TXNL4A: variants seen among roughly 807,000 people sequenced by gnomAD.
TXNL4A encodes the protein thioredoxin-like protein 4A.
In TXNL4A, 17 loss-of-function variants were observed where a neutral mutation model predicts 14.6. That is an observed-to-expected ratio of 1.16 (90% confidence interval 0.80 to 1.74). The LOEUF (loss-of-function observed/expected upper bound fraction) is 1.74. TXNL4A is among the 40% of genes most tolerant of loss of function. TXNL4A has a pLI of 0.00. For synonymous variants in TXNL4A, 83 were observed against 70.6 expected, an observed-to-expected ratio of 1.18 and a Z score of -0.88; for missense variants, 74 against 195.2, an observed-to-expected ratio of 0.38 and a Z score of 3.70.
chr18:79,988,618 C>G (rs905643057), upstream of TXNL4A: 4 of 382,094 alleles, frequency 1.0e-5, no homozygotes, highest in Non-Finnish European at 1.3e-5. Context: ...GCGCTAGCGC[C>G]GTGCGTGCTG....
In TXNL4A at chr18:79,971,536, C is replaced by G; in HGVS notation, c.*2149G>C. 1 of 152,220 alleles carries G rather than the reference C, an allele frequency of 6.6e-6. No homozygotes were observed. The highest frequency in any genetic ancestry group is 1.9e-4 in the East Asian group (1 of 5,182). 9.4% of individuals were successfully genotyped at this position (152,220 alleles called of 1,614,324 possible). Reference sequence around the variant, plus strand: ...GTAGAGACAGGGTCTCACCAGGTTGCCCAGGCTGGTCGTGAACTCCTGGGC... The same window carrying G: ...GTAGAGACAGGGTCTCACCAGGTTGGCCAGGCTGGTCGTGAACTCCTGGGC... On this transcript the variant is annotated 3_prime_UTR_variant, in exon 3 of 3. Transcript: ENST00000269601.
At chr18:80,006,161 G>A (rs558289864) in intron 1 of TXNL4A, among the ~76,000 whole-genome samples, 51 of 151,916 alleles carry the variant, frequency 3.4e-4, no homozygotes, top group Admixed American at 2.7e-3. Context: ...TAAGGCGGGC[G>A]GATCACGAGG....
upstream of TXNL4A, among the ~76,000 whole-genome samples, chr18:79,990,730 G>A (rs867429263): frequency 6.6e-6 from 1 of 152,126 alleles, no homozygotes; most frequent in Admixed American, 6.5e-5. Flanking sequence ...AAGATTTATC[G>A]CCTTAATTTT....
intron 1 of TXNL4A, among the ~76,000 whole-genome samples, chr18:80,026,108 G>A (rs566506165): frequency 1.1e-4 from 16 of 152,214 alleles, no homozygotes; most frequent in African/African-American, 3.1e-4. Flanking sequence ...TTTATTAAAC[G>A]GACTAGATGA....
chr18:79,987,957 A>G (rs1338638023), intron 1 of TXNL4A, among the ~76,000 whole-genome samples: 2 of 152,272 alleles, frequency 1.3e-5, no homozygotes, highest in African/African-American at 2.4e-5. Context: ...TAAGTTTGGG[A>G]AAAACGCCTT....
chr18:79,987,656 A>C (rs549863478), intron 1 of TXNL4A, among the ~76,000 whole-genome samples: 1 of 152,382 alleles, frequency 6.6e-6, no homozygotes, highest in Non-Finnish European at 1.5e-5. Context: ...AAGACCACTC[A>C]GTGTACTAAT....
chr18:79,981,327 A>G (rs1412745996), intron 1 of TXNL4A, among the ~76,000 whole-genome samples: 1 of 152,240 alleles, frequency 6.6e-6, no homozygotes, highest in Non-Finnish European at 1.5e-5. Flanking sequence ...CGTAAAAAAT[A>G]GTAAATATTA....
chr18:79,997,414 G>A (rs1027625499), intron 1 of TXNL4A, among the ~76,000 whole-genome samples: 1 of 141,266 alleles, frequency 7.1e-6, no homozygotes, highest in Non-Finnish European at 1.5e-5. Context: ...ACAAGCAGGA[G>A]GGGACGGAGA....
chr18:79,987,129 T>C (rs1236284180), intron 1 of TXNL4A, among the ~76,000 whole-genome samples: 1 of 152,176 alleles, frequency 6.6e-6, no homozygotes, highest in Non-Finnish European at 1.5e-5. Context: ...AGGGGCTTCT[T>C]TAAAAAGCCA....
intron 1 of TXNL4A, among the ~76,000 whole-genome samples, chr18:79,994,658 C>A (rs1485247693): frequency 6.6e-6 from 1 of 151,942 alleles, no homozygotes; most frequent in Non-Finnish European, 1.5e-5. Flanking sequence ...GGGGAAAGAT[C>A]ACCTCATCTC....
chr18:79,977,773 T>C (rs1460291597), intron 1 of TXNL4A, 72 bp from the exon 2 acceptor site: 16 of 1,063,260 alleles, frequency 1.5e-5, no homozygotes, highest in Non-Finnish European at 2.3e-5. Context: ...AGCACATTTA[T>C]AAAAACAAAA....
intron 2 of TXNL4A, among the ~76,000 whole-genome samples, chr18:79,976,124 G>A (rs899189965): frequency 6.6e-6 from 1 of 152,208 alleles, no homozygotes; most frequent in Non-Finnish European, 1.5e-5. Context: ...CCAGAACCAC[G>A]GCAGTGCCTC....
Position 79,988,397 on chromosome 18 carries a change from G to C in TXNL4A, c.-5C>G. The C allele has an allele frequency of 2.1e-6, 3 of 1,449,200 alleles. No homozygotes were observed. In the African/African-American group the frequency reaches 4.3e-5, roughly 21 times the overall value. The allele number at this position is 1,449,200 out of a possible 1,614,324, so 89.8% of individuals were successfully genotyped here. On this transcript the variant is annotated 5_prime_UTR_variant, in exon 1 of 3. Coordinates refer to ENST00000269601, the MANE Select transcript of TXNL4A (RefSeq NM_006701.5). Reference sequence around the variant, plus strand: ...GTGCGGGAGCATGTACGACATGGCGGCCCGCGCGCTCGCCGCCGCCCAAGG... The same window carrying C: ...GTGCGGGAGCATGTACGACATGGCGCCCCGCGCGCTCGCCGCCGCCCAAGG...
chr18:79,973,615 T>C lies in TXNL4A; in HGVS notation c.*70A>G. 1 of 1,534,350 alleles carries C rather than the reference T, an allele frequency of 6.5e-7. No homozygotes were observed. Among genetic ancestry groups the C allele is most frequent in the Non-Finnish European group, 8.7e-7 (1 of 1,143,130 alleles). On this transcript the variant is annotated 3_prime_UTR_variant, in exon 3 of 3. Transcript: ENST00000269601. ...GGAGCTTCCTGTATTTTCCAAAGGCTTTAAATAGCTTAAAACGTTTCCATA... is the reference window on the plus strand; with the variant it reads ...GGAGCTTCCTGTATTTTCCAAAGGCCTTAAATAGCTTAAAACGTTTCCATA...
At chr18:80,008,068 C>G (rs2145111980) in intron 1 of TXNL4A, among the ~76,000 whole-genome samples, 1 of 152,264 alleles carries the variant, frequency 6.6e-6, no homozygotes, top group South Asian at 2.1e-4. Flanking sequence ...AGGAGGATCG[C>G]TTGAACCCAG....
At chr18:80,001,528 T>A (rs557799055) in intron 1 of TXNL4A, among the ~76,000 whole-genome samples, 2 of 152,040 alleles carry the variant, frequency 1.3e-5, no homozygotes, top group African/African-American at 4.8e-5. Flanking sequence ...CTCCAGCCCA[T>A]GAAAGCAGCC....
rs182069797 is a variant in TXNL4A, at chr18:80,008,864, G to A, written c.-61+24987C>T. Among the ~76,000 whole-genome samples, 68 of 152,276 alleles carry A rather than the reference G, an allele frequency of 4.5e-4. 1 individual carries two copies. In the East Asian group the frequency reaches 0.011, roughly 25 times the overall value. On this transcript the variant is annotated intron_variant, in intron 1 of 2. Transcript: ENST00000585474. The stretch of plus-strand genomic sequence containing the variant: ...ACGATCGTGGCTCACTGCAACCTCC[G>A]CCTCCTGAGTTCAAGCGATTCTTCT...
chr18:79,980,464 TG>T (rs1274035866), intron 1 of TXNL4A, among the ~76,000 whole-genome samples: 1 of 151,980 alleles, frequency 6.6e-6, no homozygotes, highest in Non-Finnish European at 1.5e-5. Context: ...CCTAAAAAAA[TG>T]AGGGGTTAGG....
At chr18:80,006,469 G>T (rs2051732083) in intron 1 of TXNL4A, among the ~76,000 whole-genome samples, 1 of 152,126 alleles carries the variant, frequency 6.6e-6, no homozygotes, top group Non-Finnish European at 1.5e-5. Context: ...GCCCAGTGGT[G>T]GATTTTCCAT....
Sources: allele counts gnomAD v4.1 joint callset (sites outside exome capture counted in the v4.1 genomes callset), GRCh38; gene constraint gnomAD v4.1.1; transcripts MANE v1.5; gene names NCBI Gene and HGNC (gene_info 2026-07-23, HGNC 2026-07-21).